Variants in MDGA2 observed in about 807,000 individuals in gnomAD.
The protein encoded by MDGA2 is MAM domain-containing glycosylphosphatidylinositol anchor protein 2.
In MDGA2, 40 loss-of-function variants were observed where a neutral mutation model predicts 117.8. The ratio of observed to expected loss-of-function variants is 0.34; its 90% CI spans 0.26 to 0.44. MDGA2 has a LOEUF of 0.44. MDGA2 is among the 20% of genes least tolerant of loss of function. The pLI, the probability that MDGA2 is intolerant of heterozygous loss-of-function variation, is 1.00. For missense variants in MDGA2, 1,123 were observed against 1,250.6 expected (o/e 0.90, Z 1.54); for synonymous variants, 452 against 439.0 (o/e 1.03, Z -0.37).
chr14:46,957,554 G>A lies in MDGA2; in HGVS notation c.1909C>T (p.Pro637Ser). Reference protein sequence around the residue: ...TMSCRVLRAYPIRVLTYEWRL... With the variant: ...TMSCRVLRAYSIRVLTYEWRL... ...CACTCATAGGTCAGCACCCGTATTG[G>A]ATAGGCTCTCAGTACTCTGCAACTC... The change falls in exon 9 of 17, where the codon CCA becomes TCA. Residue 637 changes from proline to serine, a missense_variant. Around this residue, in one of 2 missense-constraint regions of MDGA2, gnomAD observed 890 missense variants for 1,050.3 expected, o/e 0.85. Transcript: ENST00000399232. The A allele has an allele frequency of 1.2e-6, 2 of 1,614,156 alleles. No individual in the cohort carries two copies. The highest frequency in any genetic ancestry group is 3.3e-4 in the Middle Eastern group (2 of 6,062).
intron 2 of MDGA2, among the ~76,000 whole-genome samples, chr14:47,237,667 T>C (rs1886909151): frequency 6.6e-6 from 1 of 152,172 alleles, no homozygotes; most frequent in African/African-American, 2.4e-5. Context: ...CATATCCATG[T>C]ATATGGCATG....
In MDGA2 at chr14:47,074,005, A is replaced by G. The variant is rs1230404475; in HGVS notation, c.1196-12427T>C. Reference sequence around the variant, plus strand: ...TTGCATTGAATATCACTCACACATCATCAATTTTCTCTTAAAATTTTTCCT... The same window carrying G: ...TTGCATTGAATATCACTCACACATCGTCAATTTTCTCTTAAAATTTTTCCT... On this transcript the variant is annotated intron_variant, in intron 6 of 16. Transcript: ENST00000399232. Among the ~76,000 whole-genome samples, 4 of 152,132 alleles carry G rather than the reference A, an allele frequency of 2.6e-5. No individual in the cohort carries two copies. The East Asian group carries it at 7.7e-4, about 29-fold the overall frequency.
chr14:47,439,818 A>AGAGTGT (rs1555322025), intron 1 of MDGA2, among the ~76,000 whole-genome samples: 2 of 150,304 alleles, frequency 1.3e-5, no homozygotes, highest in Non-Finnish European at 3.0e-5. Flanking sequence ...TCACTAAGGG[A>AGAGTGT]GTGTGTGTGT....
At chr14:47,612,838 G>A (rs1175967641) in intron 1 of MDGA2, among the ~76,000 whole-genome samples, 1 of 152,042 alleles carries the variant, frequency 6.6e-6, no homozygotes, top group African/African-American at 2.4e-5. Context: ...TTAAAATATG[G>A]TACTTATTGA....
chr14:47,438,878 G>C (rs1349251657), intron 1 of MDGA2, among the ~76,000 whole-genome samples: 2 of 152,144 alleles, frequency 1.3e-5, no homozygotes, highest in African/African-American at 2.4e-5. Flanking sequence ...CTTATGTGTG[G>C]TGCTACTGTA....
intron 2 of MDGA2, among the ~76,000 whole-genome samples, chr14:47,226,070 G>C (rs1886484751): frequency 6.6e-6 from 1 of 151,800 alleles, no homozygotes; most frequent in Non-Finnish European, 1.5e-5. Context: ...CAGAAGGATG[G>C]ATTGAAGCCA....
At chr14:47,370,798 A>AC (rs2138391668) in intron 1 of MDGA2, among the ~76,000 whole-genome samples, 1 of 151,772 alleles carries the variant, frequency 6.6e-6, no homozygotes, top group East Asian at 1.9e-4. Flanking sequence ...AATGACTTTC[A>AC]AACTTCAAAT....
intron 3 of MDGA2, among the ~76,000 whole-genome samples, chr14:47,207,396 G>A (rs1885724624): frequency 6.6e-6 from 1 of 151,920 alleles, no homozygotes; most frequent in South Asian, 2.1e-4. Flanking sequence ...ATTTAAGGAA[G>A]ATTGATCTGG....
intron 6 of MDGA2, among the ~76,000 whole-genome samples, chr14:47,062,499 CTTT>C (rs5808374): frequency 2.7e-4 from 39 of 145,598 alleles, no homozygotes; most frequent in Admixed American, 2.1e-4. Flanking sequence ...ACAGATTTTT[CTTT>C]TTTTTTTTTT....
chr14:47,589,013 C>T (rs1034405850), intron 1 of MDGA2, among the ~76,000 whole-genome samples: 3 of 151,812 alleles, frequency 2.0e-5, no homozygotes, highest in Non-Finnish European at 4.4e-5. Flanking sequence ...ACTCTCCTGC[C>T]TTGTTTTTTC....
At chr14:47,503,421 C>CCT (rs1894441523) in intron 1 of MDGA2, among the ~76,000 whole-genome samples, 1 of 133,712 alleles carries the variant, frequency 7.5e-6, no homozygotes. Context: ...CCTCTACTAC[C>CCT]TTTTTTTTTT....
intron 1 of MDGA2, among the ~76,000 whole-genome samples, chr14:47,565,543 G>T (rs754458575): frequency 1.2e-4 from 18 of 152,192 alleles, no homozygotes; most frequent in Non-Finnish European, 2.4e-4. Flanking sequence ...CAAACCGTTG[G>T]TCACAATTCT....
At chr14:47,578,874 A>G (rs1400854117) in intron 1 of MDGA2, among the ~76,000 whole-genome samples, 1 of 152,086 alleles carries the variant, frequency 6.6e-6, no homozygotes, top group African/African-American at 2.4e-5. Flanking sequence ...GCTTGTTTAC[A>G]TTTTGTACTG....
chr14:47,377,358 G>A (rs1255166438), intron 1 of MDGA2, among the ~76,000 whole-genome samples: 1 of 152,106 alleles, frequency 6.6e-6, no homozygotes, highest in Non-Finnish European at 1.5e-5. Context: ...CATCTCGCTG[G>A]GTCTTGTCAG....
In MDGA2 at chr14:47,027,627, T is replaced by TTATATA. The variant is rs145057227; in HGVS notation, c.1819+7378_1819+7383dup. Among the ~76,000 whole-genome samples, 878 of 145,936 alleles carry TTATATA rather than the reference T, an allele frequency of 6.0e-3. 4 individuals are homozygous for TTATATA. The highest frequency in any genetic ancestry group is 0.017 in the African/African-American group (670 of 40,162). On this transcript the variant is annotated intron_variant, in intron 8 of 16. Transcript: ENST00000399232. ...TTGCTCTATCTGAAGATATTATATATTATATATATATATATATGCAATGCA... is the reference window on the plus strand; with the variant it reads ...TTGCTCTATCTGAAGATATTATATATTATATATATATATATATATATATGCAATGCA...
At chr14:47,372,208 A>G (rs1891375599) in intron 1 of MDGA2, among the ~76,000 whole-genome samples, 1 of 151,808 alleles carries the variant, frequency 6.6e-6, no homozygotes, top group African/African-American at 2.4e-5. Flanking sequence ...AGTGTTTCTG[A>G]GCAAACCACA....
At chr14:47,554,880 T>C (rs751066985) in intron 1 of MDGA2, among the ~76,000 whole-genome samples, 1 of 152,216 alleles carries the variant, frequency 6.6e-6, no homozygotes, top group Non-Finnish European at 1.5e-5. Context: ...TATGGACCTA[T>C]CTGACCTCTC....
intron 1 of MDGA2, among the ~76,000 whole-genome samples, chr14:47,631,933 T>G (rs1453335522): frequency 6.6e-6 from 1 of 151,670 alleles, no homozygotes; most frequent in Non-Finnish European, 1.5e-5. Context: ...TTTTTAAGTT[T>G]TTTTTTTTTT....
At chr14:47,205,342 TCTTA>T (rs1264241583) in intron 3 of MDGA2, among the ~76,000 whole-genome samples, 1 of 151,996 alleles carries the variant, frequency 6.6e-6, no homozygotes, top group African/African-American at 2.4e-5. Context: ...TTATGTCTAT[TCTTA>T]CTTCTCAAAG....
Sources: allele counts gnomAD v4.1 joint callset (sites outside exome capture counted in the v4.1 genomes callset), GRCh38; gene constraint gnomAD v4.1.1; regional missense constraint gnomAD v4.1.1; transcripts MANE v1.5; gene names NCBI Gene and HGNC (gene_info 2026-07-23, HGNC 2026-07-21).